KIAA0825: variants seen among roughly 807,000 people sequenced by gnomAD.
KIAA0825 encodes the protein KIAA0825.
In KIAA0825, 119 loss-of-function variants were observed where a neutral mutation model predicts 147.6. The ratio of observed to expected loss-of-function variants is 0.81; its 90% CI spans 0.69 to 0.94. The LOEUF is 0.94. Among genes scored for constraint, KIAA0825 ranks in the 40% least tolerant of loss-of-function variants. The pLI, the probability that KIAA0825 is intolerant of heterozygous loss-of-function variation, is 0.00. For synonymous variants in KIAA0825, 470 were observed against 518.1 expected, an observed-to-expected ratio of 0.91 and a Z score of 1.26; for missense variants, 1,381 against 1,472.7, an observed-to-expected ratio of 0.94 and a Z score of 1.02.
intron 20 of KIAA0825, among the ~76,000 whole-genome samples, chr5:94,264,222 A>C (rs775623943): frequency 6.6e-6 from 1 of 152,192 alleles, no homozygotes; most frequent in Non-Finnish European, 1.5e-5. Flanking sequence ...CACATTAAAC[A>C]CACATACAAT....
chr5:94,511,589 T>G (rs1004822342), intron 5 of KIAA0825, among the ~76,000 whole-genome samples: 2 of 150,438 alleles, frequency 1.3e-5, no homozygotes, highest in Non-Finnish European at 3.0e-5. Flanking sequence ...CATTGCACAC[T>G]CCAGCCCAGG....
intron 2 of KIAA0825, among the ~76,000 whole-genome samples, chr5:94,543,468 AAAAAT>A (rs1213325444): frequency 1.3e-5 from 2 of 151,956 alleles, no homozygotes; most frequent in African/African-American, 4.8e-5. Context: ...AAATAAAAAT[AAAAAT>A]AAAATAAAAA....
chr5:94,486,665 A>G (rs564366093), intron 5 of KIAA0825, among the ~76,000 whole-genome samples: 1 of 152,176 alleles, frequency 6.6e-6, no homozygotes, highest in Non-Finnish European at 1.5e-5. Flanking sequence ...GTTAGAGAAC[A>G]CAAGTATGTA....
chr5:94,152,849 A>T lies in KIAA0825; in HGVS notation c.*1158T>A, dbSNP rs1583679725. Reference sequence around the variant, plus strand: ...AAAAAAAAAAAAAAAAAAAAAAAAAAAAAAAATTATATATATATATATATA... The same window carrying T: ...AAAAAAAAAAAAAAAAAAAAAAAAATAAAAAATTATATATATATATATATA... On this transcript the variant is annotated 3_prime_UTR_variant, in exon 21 of 21. Transcript: ENST00000682413. The T allele has an allele frequency of 6.0e-4, 14 of 23,514 alleles. No homozygotes were observed. The highest frequency in any genetic ancestry group is 8.8e-4 in the Non-Finnish European group (10 of 11,392). The allele number at this position is 23,514 out of a possible 1,614,324, so 1.5% of individuals were successfully genotyped here.
chr5:94,241,380 C>T lies in KIAA0825; in HGVS notation c.3711-87256G>A, dbSNP rs150077229. 1.7e-3 allele frequency among the ~76,000 whole-genome samples: 265 copies of T among 152,304 alleles called. 1 individual carries two copies. The Middle Eastern group carries it at 0.02, about 12-fold the overall frequency. On this transcript the variant is annotated intron_variant, in intron 20 of 20. Coordinates refer to ENST00000682413, the MANE Select transcript of KIAA0825 (RefSeq NM_001145678.3). ...TCATCATTAACATCTGAAGCCTTCA[C>T]ATCACGACAGGATCAAAGCCTCCCA... is the stretch of plus-strand genomic sequence containing the variant.
chr5:94,326,721 A>G (rs1417006112), intron 20 of KIAA0825, among the ~76,000 whole-genome samples: 2 of 152,204 alleles, frequency 1.3e-5, no homozygotes, highest in Non-Finnish European at 2.9e-5. Context: ...CGCTTCATCA[A>G]TGATGCCTTT....
chr5:94,511,238 T>C (rs1472481910), intron 5 of KIAA0825, among the ~76,000 whole-genome samples: 4 of 152,208 alleles, frequency 2.6e-5, no homozygotes, highest in African/African-American at 4.8e-5. Context: ...TTCGTTGTTA[T>C]ATTCCCTGAA....
chr5:94,564,939 C>T (rs1778331643), intron 2 of KIAA0825, among the ~76,000 whole-genome samples: 1 of 138,060 alleles, frequency 7.2e-6, no homozygotes, highest in African/African-American at 2.7e-5. Context: ...CTTCCCTTCC[C>T]TCCCTCCCTT....
At chr5:94,522,313 G>T (rs1768370860) in intron 4 of KIAA0825, among the ~76,000 whole-genome samples, 1 of 151,464 alleles carries the variant, frequency 6.6e-6, no homozygotes. Flanking sequence ...CTCCTCTACT[G>T]CTATTGAGTT....
At chr5:94,446,054 A>T (rs568419017) in intron 13 of KIAA0825, among the ~76,000 whole-genome samples, 102 of 152,286 alleles carry the variant, frequency 6.7e-4, no homozygotes, top group African/African-American at 2.3e-3. Context: ...TCTCCTGAGG[A>T]TACTAGAAGT....
intron 20 of KIAA0825, among the ~76,000 whole-genome samples, chr5:94,365,378 A>G (rs1268668378): frequency 6.6e-6 from 1 of 152,166 alleles, no homozygotes; most frequent in East Asian, 1.9e-4. Context: ...CTGGCCACGA[A>G]ATGATAAATA....
At chr5:94,368,449 C>T (rs1363086936) in intron 20 of KIAA0825, among the ~76,000 whole-genome samples, 5 of 152,164 alleles carry the variant, frequency 3.3e-5, no homozygotes, top group African/African-American at 4.8e-5. Flanking sequence ...TCTGGGATTA[C>T]AGGTGTGAGC....
intron 16 of KIAA0825, among the ~76,000 whole-genome samples, chr5:94,401,333 C>T (rs1407145447): frequency 6.6e-6 from 1 of 151,716 alleles, no homozygotes; most frequent in Non-Finnish European, 1.5e-5. Flanking sequence ...CAAGTGGGAG[C>T]TTTTTCACTT....
intron 20 of KIAA0825, among the ~76,000 whole-genome samples, chr5:94,203,960 G>A (rs770786704): frequency 5.3e-5 from 8 of 152,058 alleles, no homozygotes; most frequent in Non-Finnish European, 8.8e-5. Flanking sequence ...TTATAGCTAC[G>A]CAAACAGAAT....
chr5:94,552,666 A>C (rs1775760437), intron 2 of KIAA0825, among the ~76,000 whole-genome samples: 1 of 152,260 alleles, frequency 6.6e-6, no homozygotes, highest in African/African-American at 2.4e-5. Context: ...CAATGGGTGA[A>C]GAAAGATATT....
At chr5:94,458,754 A>G in intron 12 of KIAA0825, among the ~76,000 whole-genome samples, 1 of 148,568 alleles carries the variant, frequency 6.7e-6, no homozygotes, top group East Asian at 1.9e-4. Flanking sequence ...CTTTTTTTTA[A>G]AAAAAAAAAA....
chr5:94,234,701 G>T (rs924790874), intron 20 of KIAA0825, among the ~76,000 whole-genome samples: 2 of 152,092 alleles, frequency 1.3e-5, no homozygotes, highest in Non-Finnish European at 2.9e-5. Flanking sequence ...TAAATGACCA[G>T]ATCTTGTGTG....
intron 1 of KIAA0825, among the ~76,000 whole-genome samples, chr5:94,603,917 A>C (rs1350301459): frequency 6.6e-6 from 1 of 152,256 alleles, no homozygotes; most frequent in East Asian, 1.9e-4. Context: ...GAGCACCCAG[A>C]TTCATAAAGC....
intron 2 of KIAA0825, among the ~76,000 whole-genome samples, chr5:94,554,249 T>C (rs1370501157): frequency 1.3e-5 from 2 of 152,146 alleles, no homozygotes; most frequent in African/African-American, 4.8e-5. Context: ...AACTCAGACA[T>C]CTTTATGGCA....
Sources: allele counts gnomAD v4.1 joint callset (sites outside exome capture counted in the v4.1 genomes callset), GRCh38; gene constraint gnomAD v4.1.1; transcripts MANE v1.5; gene names NCBI Gene and HGNC (gene_info 2026-07-23, HGNC 2026-07-21).